The following PARM1 variants were observed in gnomAD, a reference collection of about 807,000 sequenced individuals.
PARM1 encodes prostate androgen-regulated mucin-like protein 1, also known as WSC4, cell wall integrity and stress response component 4 homolog.
A neutral mutation model predicts 24.6 loss-of-function variants in PARM1; 14 were observed. That is an observed-to-expected ratio of 0.57 (90% CI 0.38 to 0.89). The LOEUF is 0.89. Among genes scored for constraint, PARM1 ranks in the 40% least tolerant of loss-of-function variants. The pLI, the probability that PARM1 is intolerant of heterozygous loss-of-function variation, is 0.00. For missense variants in PARM1, 362 were observed against 380.4 expected, an observed-to-expected ratio of 0.95 and a Z score of 0.40; for synonymous variants, 179 against 156.6, an observed-to-expected ratio of 1.14 and a Z score of -1.07.
At chr4:75,008,337 A>AG (rs1722810424) in intron 1 of PARM1, among the ~76,000 whole-genome samples, 1 of 152,238 alleles carries the variant, frequency 6.6e-6, no homozygotes, top group African/African-American at 2.4e-5. Context: ...CTTTGGAAGC[A>AG]GGCAGGGTAG....
At chr4:75,021,666 C>T (rs1208277016) in intron 2 of PARM1, among the ~76,000 whole-genome samples, 4 of 152,086 alleles carry the variant, frequency 2.6e-5, no homozygotes, top group African/African-American at 4.8e-5. Flanking sequence ...TTTGTGTCTA[C>T]GTATACTCGA....
chr4:75,035,661 C>G (rs1723355915), intron 3 of PARM1, among the ~76,000 whole-genome samples: 1 of 152,136 alleles, frequency 6.6e-6, no homozygotes, highest in Non-Finnish European at 1.5e-5. Context: ...CTCCCTCCAT[C>G]TTGTGTTCTA....
intron 1 of PARM1, among the ~76,000 whole-genome samples, chr4:74,936,320 CA>C (rs1471206116): frequency 6.6e-6 from 1 of 152,168 alleles, no homozygotes; most frequent in Non-Finnish European, 1.5e-5. Context: ...CCTTTATCCC[CA>C]AAACCAAGAA....
At chr4:74,951,031 TA>T (rs1329936912) in intron 1 of PARM1, among the ~76,000 whole-genome samples, 1 of 152,198 alleles carries the variant, frequency 6.6e-6, no homozygotes, top group African/African-American at 2.4e-5. Flanking sequence ...ACCAACAGTC[TA>T]AATTGATGGG....
intron 1 of PARM1, among the ~76,000 whole-genome samples, chr4:74,962,394 C>CA (rs1560776586): frequency 6.6e-6 from 1 of 151,520 alleles, no homozygotes; most frequent in South Asian, 2.1e-4. Context: ...AAATGAGGAA[C>CA]AAAAAAAGCT....
intron 1 of PARM1, among the ~76,000 whole-genome samples, chr4:74,985,663 A>G (rs1006967120): frequency 3.9e-5 from 6 of 152,222 alleles, no homozygotes; most frequent in African/African-American, 1.4e-4. Flanking sequence ...CAGGGCCCAA[A>G]CAACATACAA....
At chr4:74,948,064 C>G (rs1721442361) in intron 1 of PARM1, among the ~76,000 whole-genome samples, 1 of 152,200 alleles carries the variant, frequency 6.6e-6, no homozygotes, top group Non-Finnish European at 1.5e-5. Flanking sequence ...TAGAATGCCA[C>G]ACTCCTCCAT....
chr4:74,937,801 T>C (rs918940548), intron 1 of PARM1, among the ~76,000 whole-genome samples: 2 of 152,236 alleles, frequency 1.3e-5, no homozygotes, highest in African/African-American at 2.4e-5. Flanking sequence ...TCCAGTGCAG[T>C]GCCAGCTGTT....
At chr4:74,962,809 A>G (rs1721805239) in intron 1 of PARM1, among the ~76,000 whole-genome samples, 1 of 152,188 alleles carries the variant, frequency 6.6e-6, no homozygotes, top group Non-Finnish European at 1.5e-5. Flanking sequence ...TCAGTTTTGC[A>G]AAATGAAGAG....
At chr4:74,964,617 C>T (rs1013618033) in intron 1 of PARM1, among the ~76,000 whole-genome samples, 5 of 151,870 alleles carry the variant, frequency 3.3e-5, no homozygotes, top group African/African-American at 9.7e-5. Context: ...TGATTCTCTT[C>T]ACAGCTTTTA....
intron 1 of PARM1, among the ~76,000 whole-genome samples, chr4:75,000,908 T>C (rs1722669045): frequency 1.3e-5 from 2 of 152,324 alleles, no homozygotes; most frequent in East Asian, 3.9e-4. Context: ...GTTTGACCTA[T>C]AGTTTTAACC....
At chr4:74,933,495 G>C in intron 1 of PARM1, 125 bp downstream of exon 1, 1 of 777,462 alleles carries the variant, frequency 1.3e-6, no homozygotes, top group Non-Finnish European at 2.2e-6. Context: ...GAGTGCGCAG[G>C]TGTGTGCGCA....
At chr4:75,010,620 G>A (rs1347785523) in intron 1 of PARM1, among the ~76,000 whole-genome samples, 1 of 152,180 alleles carries the variant, frequency 6.6e-6, no homozygotes, top group Non-Finnish European at 1.5e-5. Context: ...TTGAGGAAGA[G>A]GTGACACAAT....
At chr4:75,001,906 T>A (rs1185452433) in intron 1 of PARM1, among the ~76,000 whole-genome samples, 1 of 152,198 alleles carries the variant, frequency 6.6e-6, no homozygotes, top group East Asian at 1.9e-4. Context: ...TGGTCAGCAA[T>A]GAACTCTGGC....
intron 1 of PARM1, among the ~76,000 whole-genome samples, chr4:74,938,660 A>T (rs535450841): frequency 6.6e-6 from 1 of 152,240 alleles, no homozygotes; most frequent in East Asian, 1.9e-4. Flanking sequence ...AGTTCATGAC[A>T]TTTCTTTTTT....
intron 2 of PARM1, among the ~76,000 whole-genome samples, chr4:75,027,421 A>C (rs1723203215): frequency 6.6e-6 from 1 of 152,102 alleles, no homozygotes; most frequent in Admixed American, 6.5e-5. Context: ...AAGAATGGGC[A>C]TGAAATCCAA....
intron 3 of PARM1, among the ~76,000 whole-genome samples, chr4:75,044,611 A>G (rs1053274877): frequency 6.6e-6 from 1 of 152,192 alleles, no homozygotes; most frequent in Non-Finnish European, 1.5e-5. Flanking sequence ...ATTATATAGT[A>G]TGTTAGAAGG....
At chr4:74,967,684 G>A (rs1215175414) in intron 1 of PARM1, 1 of 152,130 alleles carries the variant, frequency 6.6e-6, no homozygotes, top group Non-Finnish European at 1.5e-5. Flanking sequence ...ATTCTGAAAA[G>A]ACATGAAAGA....
intron 1 of PARM1, chr4:74,955,994 A>G (rs955140795): frequency 1.3e-5 from 2 of 152,366 alleles, no homozygotes; most frequent in African/African-American, 4.8e-5. Flanking sequence ...AGCAAGTATG[A>G]ATTTTAATTT....
Sources: gnomAD v4.1 joint callset for allele counts (sites outside exome capture counted in the v4.1 genomes callset) on GRCh38, gnomAD v4.1.1 for gene constraint, MANE v1.5 for transcripts, NCBI Gene and HGNC (gene_info 2026-07-23, HGNC 2026-07-21) for gene names.